Variants in CADM1 observed in about 807,000 individuals in gnomAD.
CADM1 encodes the protein TSLC-1.
Under a neutral mutation model 53.1 loss-of-function variants are expected in CADM1, and 15 were observed. That is an observed-to-expected ratio of 0.28 (90% confidence interval 0.19 to 0.44). The LOEUF (loss-of-function observed/expected upper bound fraction) is 0.44. CADM1 is among the 20% of genes least tolerant of loss of function. The pLI is 1.00. For missense variants in CADM1, 434 were observed against 611.3 expected, an observed-to-expected ratio of 0.71 and a Z score of 3.06; for synonymous variants, 281 against 243.0, an observed-to-expected ratio of 1.16 and a Z score of -1.45.
chr11:115,219,819 CTAGT>C (rs1358898693), intron 5 of CADM1, among the ~76,000 whole-genome samples: 3 of 152,064 alleles, frequency 2.0e-5, no homozygotes, highest in African/African-American at 7.2e-5. Context: ...CACACACACA[CTAGT>C]TAGTGAAGTT....
chr11:115,288,713 A>G (rs892801881), intron 1 of CADM1, among the ~76,000 whole-genome samples: 1 of 152,122 alleles, frequency 6.6e-6, no homozygotes, highest in Non-Finnish European at 1.5e-5. Flanking sequence ...CTGCCCTGTC[A>G]CTGTTTGACC....
At chr11:115,384,075 G>C (rs550440476) in intron 1 of CADM1, among the ~76,000 whole-genome samples, 1 of 152,236 alleles carries the variant, frequency 6.6e-6, no homozygotes, top group East Asian at 1.9e-4. Context: ...ATTCTACCTT[G>C]ACTTTTGAAT....
intron 1 of CADM1, among the ~76,000 whole-genome samples, chr11:115,244,490 T>G (rs1366019762): frequency 6.6e-6 from 1 of 152,222 alleles, no homozygotes; most frequent in Non-Finnish European, 1.5e-5. Flanking sequence ...GGCTGGGCAC[T>G]GTGCAGGATG....
chr11:115,297,528 T>A (rs1318308422), intron 1 of CADM1, among the ~76,000 whole-genome samples: 2 of 152,166 alleles, frequency 1.3e-5, no homozygotes, highest in Admixed American at 1.3e-4. Flanking sequence ...CCGCTTGGCA[T>A]TTTTTCCTGT....
chr11:115,407,696 C>G (rs1329941974), intron 1 of CADM1, among the ~76,000 whole-genome samples: 1 of 151,696 alleles, frequency 6.6e-6, no homozygotes, highest in Non-Finnish European at 1.5e-5. Flanking sequence ...TAGTGAGACC[C>G]TGTCTCTACA....
chr11:115,451,975 C>T (rs896462305), intron 1 of CADM1, among the ~76,000 whole-genome samples: 1 of 152,060 alleles, frequency 6.6e-6, no homozygotes, highest in African/African-American at 2.4e-5. Flanking sequence ...GGACCCAAAG[C>T]TGGCTGTAAC....
intron 1 of CADM1, among the ~76,000 whole-genome samples, chr11:115,498,189 T>C (rs1949662199): frequency 6.6e-6 from 1 of 152,118 alleles, no homozygotes; most frequent in Admixed American, 6.5e-5. Flanking sequence ...CCCACAAAAA[T>C]AAGGCCCAAA....
chr11:115,495,945 TCTGAC>T (rs1949601014), intron 1 of CADM1, among the ~76,000 whole-genome samples: 1 of 152,196 alleles, frequency 6.6e-6, no homozygotes, highest in Non-Finnish European at 1.5e-5. Flanking sequence ...CATGAGGCCC[TCTGAC>T]TGTGACCCTT....
intron 1 of CADM1, chr11:115,377,309 G>C (rs532749951): frequency 3.4e-4 from 51 of 152,198 alleles, no homozygotes; most frequent in African/African-American, 1.2e-3. Context: ...CTGCTTACTG[G>C]GAGGAAGGAA....
chr11:115,292,327 A>G (rs1013023139), intron 1 of CADM1, among the ~76,000 whole-genome samples: 2 of 152,226 alleles, frequency 1.3e-5, no homozygotes, highest in Admixed American at 6.5e-5. Context: ...TCATGCAGTA[A>G]TTTCAGGCAA....
chr11:115,325,976 A>G (rs765101958), intron 1 of CADM1, among the ~76,000 whole-genome samples: 52 of 152,204 alleles, frequency 3.4e-4, no homozygotes, highest in Admixed American at 3.4e-3. Context: ...AAGAATTTCT[A>G]TTATCCCAGT....
intron 1 of CADM1, among the ~76,000 whole-genome samples, chr11:115,335,267 T>G (rs1203366931): frequency 1.3e-5 from 2 of 152,154 alleles, no homozygotes; most frequent in Non-Finnish European, 2.9e-5. Context: ...ACCCATCGCG[T>G]GTTAACACAA....
chr11:115,307,252 A>T (rs1787498609), intron 1 of CADM1, among the ~76,000 whole-genome samples: 1 of 151,960 alleles, frequency 6.6e-6, no homozygotes, highest in Non-Finnish European at 1.5e-5. Context: ...GGTAATCAGC[A>T]TTTACAATTA....
At chr11:115,289,314 G>A (rs112703629) in intron 1 of CADM1, among the ~76,000 whole-genome samples, 2,293 of 152,074 alleles carry the variant, frequency 0.015, 41 homozygotes, top group Middle Eastern at 0.051. Flanking sequence ...GCAGTGAGCA[G>A]AGATTGCACC....
At chr11:115,375,656 T>C (rs967950523) in intron 1 of CADM1, among the ~76,000 whole-genome samples, 1 of 152,176 alleles carries the variant, frequency 6.6e-6, no homozygotes. Context: ...AAACAATGTG[T>C]TGTTAAAGTT....
chr11:115,416,367 A>C (rs1947596840), intron 1 of CADM1, among the ~76,000 whole-genome samples: 1 of 152,206 alleles, frequency 6.6e-6, no homozygotes, highest in African/African-American at 2.4e-5. Context: ...AGAATCACTA[A>C]ACCCTGATAT....
intron 1 of CADM1, among the ~76,000 whole-genome samples, chr11:115,354,965 A>G (rs1250201511): frequency 6.6e-6 from 1 of 152,222 alleles, no homozygotes; most frequent in African/African-American, 2.4e-5. Context: ...CAGTTAAAAG[A>G]AATCCTGCCT....
chr11:115,427,364 C>A lies in CADM1; in HGVS notation c.124+76907G>T, dbSNP rs220866. Among the ~76,000 whole-genome samples the A allele has an allele frequency of 5.4e-3, 828 of 152,272 alleles. 9 individuals carry two copies. Among genetic ancestry groups the A allele is most frequent in the African/African-American group, 0.018 (763 of 41,552 alleles). ...TTAAATGGAACAAGCAAAATCAGCA[C>A]GTAGCAACATGGCCAGGCTTCTAGG... On this transcript the variant is annotated intron_variant, in intron 1 of 11. Transcript: ENST00000331581.
At chr11:115,236,834 G>A (rs1055907020) in intron 3 of CADM1, among the ~76,000 whole-genome samples, 2 of 152,142 alleles carry the variant, frequency 1.3e-5, no homozygotes, top group Admixed American at 1.3e-4. Context: ...AGACAGAATT[G>A]TAAGATTTAT....
Sources: gnomAD v4.1 joint callset for allele counts (sites outside exome capture counted in the v4.1 genomes callset) on GRCh38, gnomAD v4.1.1 for gene constraint, MANE v1.5 for transcripts, NCBI Gene and HGNC (gene_info 2026-07-23, HGNC 2026-07-21) for gene names.